CHLSN: variants seen among roughly 807,000 people sequenced by gnomAD.
CHLSN encodes the protein protein cholesin.
the CHLSN span, among the ~76,000 whole-genome samples, chr7:1,110,311 TC>T: frequency 6.6e-6 from 1 of 152,104 alleles, no homozygotes; most frequent in Non-Finnish European, 1.5e-5. Context: ...GGGAGGCACG[TC>T]CTCCGACGAC....
At chr7:1,093,088 G>A in the CHLSN span, 53 of 678,792 alleles carry the variant, frequency 7.8e-5, no homozygotes, top group Middle Eastern at 2.4e-4. Flanking sequence ...CAAAGCGCTC[G>A]CCCCGCAGGG....
the CHLSN span, among the ~76,000 whole-genome samples, chr7:1,066,416 G>A: frequency 1.5e-4 from 23 of 152,388 alleles, 1 homozygote; most frequent in South Asian, 4.8e-3. Context: ...CTGAGGGACA[G>A]GGGAGCGGAG....
At chr7:1,034,989 G>T in the CHLSN span, among the ~76,000 whole-genome samples, 78 of 152,332 alleles carry the variant, frequency 5.1e-4, no homozygotes, top group Non-Finnish European at 9.1e-4. Context: ...CTTTTTAATG[G>T]CTGCATAGTA....
At chr7:1,022,641 C>T in the CHLSN span, among the ~76,000 whole-genome samples, 1 of 152,196 alleles carries the variant, frequency 6.6e-6, no homozygotes, top group Non-Finnish European at 1.5e-5. Context: ...AGTCCCACAA[C>T]CAACAGCATC....
chr7:1,016,487 AC>A, the CHLSN span, among the ~76,000 whole-genome samples: 2 of 142,044 alleles, frequency 1.4e-5, no homozygotes, highest in East Asian at 2.1e-4. Context: ...ACAGCAGCAC[AC>A]AGCAGCGCAC....
the CHLSN span, among the ~76,000 whole-genome samples, chr7:1,016,991 AGC>A: frequency 2.7e-5 from 4 of 146,744 alleles, no homozygotes; most frequent in African/African-American, 1.0e-4. Flanking sequence ...AGCGCACAGC[AGC>A]GCACAGGAGC....
the CHLSN span, chr7:1,092,444 G>T: frequency 6.2e-7 from 1 of 1,608,068 alleles, no homozygotes; most frequent in Admixed American, 1.7e-5. Context: ...CTCATTGTCC[G>T]GGTGCTGGTC....
At chr7:1,001,669 G>T in the CHLSN span, among the ~76,000 whole-genome samples, 3 of 102,996 alleles carry the variant, frequency 2.9e-5, no homozygotes, top group East Asian at 2.9e-4. Flanking sequence ...TCCTGTGGGT[G>T]AGTGGAGTCC....
chr7:1,065,759 C>T, the CHLSN span, among the ~76,000 whole-genome samples: 1 of 152,222 alleles, frequency 6.6e-6, no homozygotes, highest in Non-Finnish European at 1.5e-5. Flanking sequence ...GACAGGAGAT[C>T]TGTGTGCTTC....
At chr7:1,022,964 C>G in the CHLSN span, 1 of 471,888 alleles carries the variant, frequency 2.1e-6, no homozygotes. Flanking sequence ...CCGGCTCTGT[C>G]GTCGAGGCGC....
At chr7:1,124,850 G>T in the CHLSN span, among the ~76,000 whole-genome samples, 1 of 152,146 alleles carries the variant, frequency 6.6e-6, no homozygotes, top group Non-Finnish European at 1.5e-5. Context: ...ACGCGGGGCT[G>T]CCTGCTGACC....
the CHLSN span, chr7:983,065 G>A: frequency 2.8e-5 from 19 of 667,518 alleles, no homozygotes; most frequent in Admixed American, 3.8e-5. Context: ...TAAGCCATCC[G>A]CTGGGGGCTG....
the CHLSN span, among the ~76,000 whole-genome samples, chr7:1,122,181 G>T: frequency 6.6e-6 from 1 of 152,220 alleles, no homozygotes; most frequent in African/African-American, 2.4e-5. Flanking sequence ...CAGCACCCAC[G>T]CCTCTGCCCC....
chr7:1,092,570 T>C, the CHLSN span: 1 of 1,610,764 alleles, frequency 6.2e-7, no homozygotes, highest in Non-Finnish European at 8.5e-7. Context: ...TTCATCAGCG[T>C]GCACCTCCTG....
At chr7:1,014,760 G>A in the CHLSN span, among the ~76,000 whole-genome samples, 1 of 152,362 alleles carries the variant, frequency 6.6e-6, no homozygotes, top group African/African-American at 2.4e-5. Context: ...GCACAGAAAC[G>A]AGCCCTGAGA....
the CHLSN span, among the ~76,000 whole-genome samples, chr7:1,063,115 C>A: frequency 1.3e-5 from 2 of 152,182 alleles, no homozygotes; most frequent in Non-Finnish European, 2.9e-5. Flanking sequence ...CGCTCACAGA[C>A]CCACGCCCCA....
the CHLSN span, chr7:988,167 C>T: frequency 7.7e-7 from 1 of 1,300,174 alleles, no homozygotes. Context: ...GGGCTAACAC[C>T]AGGTGTGGTG....
the CHLSN span, among the ~76,000 whole-genome samples, chr7:1,072,131 G>A: frequency 4.6e-5 from 7 of 152,276 alleles, no homozygotes; most frequent in Middle Eastern, 3.4e-3. Flanking sequence ...ATGGCCTTCC[G>A]ATACCCAGAC....
chr7:1,007,793 G>T, the CHLSN span, among the ~76,000 whole-genome samples: 8 of 152,306 alleles, frequency 5.3e-5, no homozygotes, highest in African/African-American at 1.7e-4. Context: ...AGGTCCCAGA[G>T]GGGGAGAGGA....
Sources: gnomAD v4.1 joint callset for allele counts (sites outside exome capture counted in the v4.1 genomes callset) on GRCh38, gnomAD v4.1.1 for gene constraint, MANE v1.5 for transcripts, NCBI Gene and HGNC (gene_info 2026-07-23, HGNC 2026-07-21) for gene names.